The following CPS1 variants were observed in gnomAD, a reference collection of about 807,000 sequenced individuals.
CPS1 encodes carbamoyl-phosphate synthase 1.
CPS1 carries 109 observed loss-of-function variants against 174.6 expected under a neutral mutation model. That is an observed-to-expected ratio of 0.62 (90% CI 0.53 to 0.73). CPS1 has a LOEUF of 0.73. CPS1 is among the 30% of genes least tolerant of loss of function. The pLI is 0.00. For synonymous variants in CPS1, 637 were observed against 632.0 expected (o/e 1.01, Z -0.12); for missense variants, 1,689 against 1,821.9 (o/e 0.93, Z 1.33).
intron 2 of CPS1, among the ~76,000 whole-genome samples, chr2:210,575,187 G>A (rs1373482009): frequency 6.6e-6 from 1 of 152,030 alleles, no homozygotes; most frequent in African/African-American, 2.4e-5. Context: ...TTGTTGACAA[G>A]GTTAGTTCTG....
chr2:210,670,339 T>G (rs1337535262), intron 34 of CPS1, among the ~76,000 whole-genome samples: 1 of 152,142 alleles, frequency 6.6e-6, no homozygotes. Flanking sequence ...ATTCATGGTG[T>G]TTTTAAAAAT....
At chr2:210,514,124 C>T (rs1444454488) in intron 1 of CPS1, among the ~76,000 whole-genome samples, 1 of 151,942 alleles carries the variant, frequency 6.6e-6, no homozygotes, top group Non-Finnish European at 1.5e-5. Context: ...TGTTATGTTT[C>T]CAGCTTTGTT....
intron 1 of CPS1, among the ~76,000 whole-genome samples, chr2:210,534,952 T>C (rs1696208225): frequency 6.6e-6 from 1 of 152,194 alleles, no homozygotes; most frequent in Non-Finnish European, 1.5e-5. Flanking sequence ...CTCTTCTAGC[T>C]TGGGGACCTC....
chr2:210,676,828 A>G (rs1331836880), intron 36 of CPS1, among the ~76,000 whole-genome samples, 179 bp from the exon 37 acceptor site: 2 of 152,230 alleles, frequency 1.3e-5, no homozygotes, highest in African/African-American at 4.8e-5. Flanking sequence ...CTTCAAGAAC[A>G]CAATATAATC....
intron 1 of CPS1, among the ~76,000 whole-genome samples, chr2:210,565,742 G>A (rs1697280838): frequency 6.6e-6 from 1 of 152,002 alleles, no homozygotes; most frequent in South Asian, 2.1e-4. Flanking sequence ...ACTTGTGCTT[G>A]GTTGTTCAAA....
At chr2:210,602,067 A>T in intron 15 of CPS1, 135 bp from the exon 16 acceptor site, 2 of 1,014,750 alleles carry the variant, frequency 2.0e-6, no homozygotes, top group Non-Finnish European at 3.0e-6. Context: ...GAATGAGATG[A>T]GGGAATAATA....
At chr2:210,643,918 A>G (rs996275465) in intron 25 of CPS1, among the ~76,000 whole-genome samples, 4 of 152,140 alleles carry the variant, frequency 2.6e-5, no homozygotes, top group Admixed American at 6.5e-5. Flanking sequence ...ATCCAGGTTC[A>G]GTATGATAGA....
At chr2:210,557,354 T>C (rs562724734) in intron 1 of CPS1, among the ~76,000 whole-genome samples, 15 of 152,152 alleles carry the variant, frequency 9.9e-5, no homozygotes, top group African/African-American at 3.6e-4. Flanking sequence ...CAGGTCATCA[T>C]GTAGACACTG....
chr2:210,675,880 G>A lies in CPS1; in HGVS notation c.4274+40G>A, dbSNP rs3213783. 45 of 954,526 alleles carry A rather than the reference G, an allele frequency of 4.7e-5. No homozygotes were observed. The East Asian group carries it at 9.8e-4, about 21-fold the overall frequency. The allele number at this position is 954,526 out of a possible 1,614,324, so 59.1% of individuals were successfully genotyped here. A position where few individuals can be genotyped will look rare whatever the true frequency, so the allele number is the denominator to read the frequency against. On this transcript the variant is annotated intron_variant, in intron 36 of 37. Transcript: ENST00000233072. ...TACTGTTTTCTGAAATAATTTAGAG[G>A]ATTAACTTTGAGAACCAGTATATGA...
intron 21 of CPS1, among the ~76,000 whole-genome samples, chr2:210,627,409 G>A (rs569165005): frequency 6.6e-6 from 1 of 152,178 alleles, no homozygotes; most frequent in Admixed American, 6.5e-5. Context: ...GGAGGTGTGA[G>A]TAAAACAACT....
intron 26 of CPS1, 40 bp from the exon 27 acceptor site, chr2:210,648,433 A>G (rs1331650137): frequency 6.6e-7 from 1 of 1,509,786 alleles, no homozygotes; most frequent in Non-Finnish European, 9.2e-7. Context: ...TGCATATTTT[A>G]AACTACTCAT....
At chr2:210,605,300 T>C in intron 17 of CPS1, 54 bp downstream of exon 17, 1 of 1,592,986 alleles carries the variant, frequency 6.3e-7, no homozygotes, top group East Asian at 2.2e-5. Flanking sequence ...ATGTCTTTGA[T>C]GGCCAAGGCA....
intron 1 of CPS1, among the ~76,000 whole-genome samples, chr2:210,493,306 C>T (rs757091094): frequency 2.4e-4 from 37 of 152,082 alleles, no homozygotes; most frequent in Non-Finnish European, 3.8e-4. Flanking sequence ...GTTCATTGGA[C>T]GAGAATTGAG....
intron 1 of CPS1, among the ~76,000 whole-genome samples, chr2:210,542,271 A>T (rs1192404485): frequency 6.6e-6 from 1 of 152,084 alleles, no homozygotes; most frequent in Non-Finnish European, 1.5e-5. Flanking sequence ...TTCTGATGTC[A>T]CTATAAATTC....
At chr2:210,522,630 C>T (rs1173976681) in intron 1 of CPS1, among the ~76,000 whole-genome samples, 1 of 151,978 alleles carries the variant, frequency 6.6e-6, no homozygotes, top group Non-Finnish European at 1.5e-5. Flanking sequence ...ACATCCTTAT[C>T]TGAATGGTTG....
At chr2:210,586,175 A>G (rs1226784245) in intron 6 of CPS1, among the ~76,000 whole-genome samples, 1 of 151,984 alleles carries the variant, frequency 6.6e-6, no homozygotes, top group Non-Finnish European at 1.5e-5. Flanking sequence ...GTTCCTAGAA[A>G]TTAGTACTGA....
intron 1 of CPS1, among the ~76,000 whole-genome samples, chr2:210,511,441 G>A (rs1160405244): frequency 6.6e-6 from 1 of 152,060 alleles, no homozygotes; most frequent in Non-Finnish European, 1.5e-5. Context: ...TAAATGACGA[G>A]TTAATGGGTG....
intron 1 of CPS1, among the ~76,000 whole-genome samples, chr2:210,501,038 C>T (rs959512786): frequency 6.6e-6 from 1 of 152,212 alleles, no homozygotes; most frequent in Non-Finnish European, 1.5e-5. Context: ...CATGTGGAAA[C>T]TGCCAGGCTT....
intron 1 of CPS1, among the ~76,000 whole-genome samples, chr2:210,508,366 C>T (rs1695348742): frequency 2.0e-5 from 3 of 151,604 alleles, no homozygotes; most frequent in Admixed American, 1.3e-4. Context: ...ATCTCTGGGA[C>T]ACATTCAAAG....
Sources: gnomAD v4.1 joint callset for allele counts (sites outside exome capture counted in the v4.1 genomes callset) on GRCh38, gnomAD v4.1.1 for gene constraint, MANE v1.5 for transcripts, NCBI Gene and HGNC (gene_info 2026-07-23, HGNC 2026-07-21) for gene names.